Variants in RHEX observed in about 807,000 individuals in gnomAD.
RHEX encodes regulator of hemoglobinization and erythroid cell expansion, also known as regulator of hemoglobinization and erythroid cell expansion protein.
RHEX carries 18 observed loss-of-function variants against 20.1 expected under a neutral mutation model. The observed-to-expected ratio is 0.90, with a 90% confidence interval of 0.62 to 1.33. RHEX has a LOEUF of 1.33. Ranked by LOEUF, RHEX falls within the 40% of genes most tolerant of loss-of-function variation. RHEX has a pLI of 0.00. For synonymous variants in RHEX, 87 were observed against 77.1 expected (o/e 1.13, Z -0.67); for missense variants, 192 against 214.3 (o/e 0.90, Z 0.65).
intron 1 of RHEX, among the ~76,000 whole-genome samples, chr1:206,069,229 A>G (rs1389912385): frequency 6.6e-6 from 1 of 152,230 alleles, no homozygotes; most frequent in African/African-American, 2.4e-5. Context: ...TGCTACTGGC[A>G]TCTAATGCAT....
At chr1:206,092,564 T>C (rs1286495904) in intron 1 of RHEX, among the ~76,000 whole-genome samples, 1 of 152,226 alleles carries the variant, frequency 6.6e-6, no homozygotes, top group African/African-American at 2.4e-5. Context: ...GGTTTTGGTC[T>C]AAGCTTTCCG....
chr1:206,074,931 G>A (rs554605977), intron 1 of RHEX, among the ~76,000 whole-genome samples: 1 of 152,278 alleles, frequency 6.6e-6, no homozygotes, highest in South Asian at 2.1e-4. Flanking sequence ...ACCCACAAAG[G>A]GTAATAACAG....
At position 206,086,915 on chromosome 1, in the gene RHEX, G is replaced by C. The variant is rs141097035; in HGVS notation, c.-96-10818G>C. 1.2e-3 allele frequency among the ~76,000 whole-genome samples: 186 copies of C among 152,256 alleles called. 1 individual carries two copies. The highest frequency in any genetic ancestry group is 2.1e-3 in the Non-Finnish European group (141 of 68,010). On this transcript the variant is annotated intron_variant, in intron 1 of 5. Coordinates refer to ENST00000331555, the MANE Select transcript of RHEX (RefSeq NM_001007544.4). ...CCAACTACTCGGGAGGCTGAGGTGG[G>C]AGGATTGCTTGAGCCCAGGAGGTCG...
At chr1:206,069,097 G>A (rs1367826333) in intron 1 of RHEX, among the ~76,000 whole-genome samples, 1 of 152,246 alleles carries the variant, frequency 6.6e-6, no homozygotes, top group Non-Finnish European at 1.5e-5. Context: ...GAGGCAGTAA[G>A]AGACGTCTCT....
intron 1 of RHEX, among the ~76,000 whole-genome samples, chr1:206,056,940 A>G (rs1161653602): frequency 6.6e-6 from 1 of 152,282 alleles, no homozygotes; most frequent in African/African-American, 2.4e-5. Flanking sequence ...AGGAAAAGTC[A>G]GCCTCTCCTG....
At chr1:206,083,480 A>G (rs759901568) in intron 1 of RHEX, 30 of 985,148 alleles carry the variant, frequency 3.0e-5, no homozygotes, top group Non-Finnish European at 3.5e-5. Flanking sequence ...CGAGATTGCT[A>G]TCTTCTGAGT....
At position 206,098,213 on chromosome 1, in the gene RHEX, T is replaced by A. The variant is rs191553867; in HGVS notation, c.112+32T>A. The A allele has an allele frequency of 4.0e-4, 585 of 1,464,182 alleles. 1 individual carries two copies. Among genetic ancestry groups the A allele is most frequent in the Middle Eastern group, 2.4e-3 (14 of 5,814 alleles). The allele number at this position is 1,464,182 out of a possible 1,614,324, so 90.7% of individuals were successfully genotyped here. A position where few individuals can be genotyped will look rare whatever the true frequency, so the allele number is the denominator to read the frequency against. On this transcript the variant is annotated intron_variant, in intron 3 of 5. Transcript: ENST00000331555. ...GGCTCAGCATCCTCTTCCCTCCTAG[T>A]CACTCTCAGAGACCATTCTCGAGCC...
At chr1:206,073,093 C>T (rs144051173) in intron 1 of RHEX, among the ~76,000 whole-genome samples, 1,666 of 152,218 alleles carry the variant, frequency 0.011, 32 homozygotes, top group African/African-American at 0.038. Context: ...CTACCTTGGC[C>T]TCCCAAAGTG....
At chr1:206,086,174 T>C (rs782066344) in intron 1 of RHEX, among the ~76,000 whole-genome samples, 8 of 152,138 alleles carry the variant, frequency 5.3e-5, no homozygotes, top group Non-Finnish European at 1.0e-4. Context: ...ACCCCATGGT[T>C]TCGTACACTG....
chr1:206,097,689 T>A, intron 1 of RHEX, 44 bp from the exon 2 acceptor site: 1 of 1,323,126 alleles, frequency 7.6e-7, no homozygotes. Flanking sequence ...GGGAAATTTG[T>A]ATAAAGAGCC....
intron 1 of RHEX, among the ~76,000 whole-genome samples, chr1:206,088,884 A>C (rs1024474514): frequency 3.3e-5 from 5 of 151,910 alleles, no homozygotes; most frequent in African/African-American, 4.8e-5. Flanking sequence ...GCAGTGGTGC[A>C]ACCACGGCTC....
At chr1:206,077,778 T>C (rs1662663151) in intron 1 of RHEX, among the ~76,000 whole-genome samples, 1 of 152,202 alleles carries the variant, frequency 6.6e-6, no homozygotes, top group South Asian at 2.1e-4. Context: ...ACAGGTATTA[T>C]AGAGATGCTA....
At chr1:206,064,169 T>C in intron 1 of RHEX, among the ~76,000 whole-genome samples, 1 of 136,230 alleles carries the variant, frequency 7.3e-6, no homozygotes, top group African/African-American at 2.9e-5. Context: ...CCGCCCCGTC[T>C]GAGAAGTTAG....
intron 1 of RHEX, among the ~76,000 whole-genome samples, chr1:206,090,685 A>G (rs973105653): frequency 3.9e-4 from 59 of 152,098 alleles, no homozygotes; most frequent in Admixed American, 3.1e-3. Flanking sequence ...TCAACCTGAA[A>G]TAGCATCTTT....
intron 4 of RHEX, among the ~76,000 whole-genome samples, chr1:206,100,432 A>G (rs1663165617): frequency 6.6e-6 from 1 of 152,060 alleles, no homozygotes; most frequent in Admixed American, 6.5e-5. Context: ...TTGTCTCTTG[A>G]TTGGTTTGAA....
intron 1 of RHEX, among the ~76,000 whole-genome samples, chr1:206,096,306 A>G (rs1663067533): frequency 6.6e-6 from 1 of 152,256 alleles, no homozygotes. Context: ...CAACCCCCTC[A>G]AGGGGAGAAT....
intron 1 of RHEX, among the ~76,000 whole-genome samples, chr1:206,055,911 C>G (rs1477773933): frequency 6.6e-6 from 1 of 152,264 alleles, no homozygotes; most frequent in Non-Finnish European, 1.5e-5. Context: ...GTCCAAAGTC[C>G]CTGGTAGCAA....
At chr1:206,077,535 G>A (rs575652497) in intron 1 of RHEX, among the ~76,000 whole-genome samples, 2 of 152,296 alleles carry the variant, frequency 1.3e-5, no homozygotes, top group South Asian at 4.1e-4. Flanking sequence ...ACTTTGGGAG[G>A]GGAAGGAGGG....
At chr1:206,085,740 C>CA (rs1258329508) in intron 1 of RHEX, among the ~76,000 whole-genome samples, 2 of 152,126 alleles carry the variant, frequency 1.3e-5, no homozygotes, top group African/African-American at 4.8e-5. Flanking sequence ...TAGTCCATTT[C>CA]AGAAAAATTC....
Sources: allele counts gnomAD v4.1 joint callset (sites outside exome capture counted in the v4.1 genomes callset), GRCh38; gene constraint gnomAD v4.1.1; transcripts MANE v1.5; gene names NCBI Gene and HGNC (gene_info 2026-07-23, HGNC 2026-07-21).